TMEM181: variants seen among roughly 807,000 people sequenced by gnomAD.
TMEM181 encodes G protein-coupled receptor 178.
Under a neutral mutation model 71.9 loss-of-function variants are expected in TMEM181, and 39 were observed. That is an observed-to-expected ratio of 0.54 (90% CI 0.42 to 0.71). TMEM181 has a LOEUF of 0.71. Ranked by LOEUF, TMEM181 falls within the 30% of genes least tolerant of loss-of-function variation. TMEM181 has a pLI of 0.00. For synonymous variants in TMEM181, 245 were observed against 228.8 expected (o/e 1.07, Z -0.64); for missense variants, 595 against 583.0 (o/e 1.02, Z -0.21).
At chr6:158,549,258 C>T (rs1348867374) in intron 1 of TMEM181, among the ~76,000 whole-genome samples, 2 of 151,968 alleles carry the variant, frequency 1.3e-5, no homozygotes, top group African/African-American at 4.8e-5. Context: ...GCTGGGACTA[C>T]AGGTGCGCCA....
chr6:158,611,405 G>T (rs1190370727), intron 10 of TMEM181: 1 of 538,946 alleles, frequency 1.9e-6, no homozygotes, highest in Non-Finnish European at 3.8e-6. Context: ...CCTCCAGGTA[G>T]ATCATTGTGG....
Position 158,635,075 on chromosome 6 carries a change from T to G in TMEM181, c.*3187T>G, listed in dbSNP as rs1282736047. 6.6e-6 allele frequency: 1 copy of G among 151,618 alleles called. No homozygotes were observed. The highest frequency in any genetic ancestry group is 6.6e-5 in the Admixed American group (1 of 15,210). The allele number at this position is 151,618 out of a possible 1,614,324, so 9.4% of individuals were successfully genotyped here. On this transcript the variant is annotated 3_prime_UTR_variant, in exon 17 of 17. Coordinates refer to ENST00000684151, the MANE Select transcript of TMEM181 (RefSeq NM_001376852.1). ...TCTTTTCCCCTGGCCAAAGGGAAGT[T>G]GTATTAGTCTGTGACATCTTGTGAT...
chr6:158,537,108 C>T (rs946189409), intron 1 of TMEM181, among the ~76,000 whole-genome samples: 8 of 151,994 alleles, frequency 5.3e-5, no homozygotes, highest in African/African-American at 1.9e-4. Context: ...CCCGGCGCCC[C>T]CGGGCGAAGG....
intron 1 of TMEM181, among the ~76,000 whole-genome samples, chr6:158,565,394 C>T (rs539156652): frequency 2.0e-5 from 3 of 152,252 alleles, no homozygotes; most frequent in East Asian, 1.9e-4. Context: ...TACAGCTGGC[C>T]AGGCCTGAGC....
chr6:158,585,660 G>T (rs545027105), intron 5 of TMEM181, among the ~76,000 whole-genome samples: 1 of 152,124 alleles, frequency 6.6e-6, no homozygotes, highest in Non-Finnish European at 1.5e-5. Context: ...GTAAACACAC[G>T]TGTACGCACA....
rs761848760 is a variant in TMEM181, at chr6:158,634,572, GGAT to G, written c.*2688_*2690del. ...CTAGGGAGAGCTTCGTTATCCATGTGGATGATAAGTCTGCTTGATTTATTATTA... is the reference window on the plus strand; with the variant it reads ...CTAGGGAGAGCTTCGTTATCCATGTGGATAAGTCTGCTTGATTTATTATTA... On this transcript the variant is annotated 3_prime_UTR_variant, in exon 17 of 17. Transcript: ENST00000684151. 1 of 152,142 alleles carries G rather than the reference GGAT, an allele frequency of 6.6e-6. No individual in the cohort carries two copies. The highest frequency in any genetic ancestry group is 2.4e-5 in the African/African-American group (1 of 41,420). The allele number at this position is 152,142 out of a possible 1,614,324, so 9.4% of individuals were successfully genotyped here.
intron 1 of TMEM181, among the ~76,000 whole-genome samples, chr6:158,564,527 G>C (rs1782375635): frequency 6.6e-6 from 1 of 152,234 alleles, no homozygotes; most frequent in Non-Finnish European, 1.5e-5. Context: ...GATGTTGTTA[G>C]AATGAAATCC....
chr6:158,587,278 G>A lies in TMEM181; in HGVS notation c.381+1853G>A, dbSNP rs372973561. On this transcript the variant is annotated intron_variant, in intron 5 of 16. Coordinates refer to ENST00000684151, the MANE Select transcript of TMEM181 (RefSeq NM_001376852.1). ...GCACTGTTCCTTCTTGGATGTGCCC[G>A]CCGTGCTGTGCATCTTGAGAATGGC... Among the ~76,000 whole-genome samples, 5 of 152,246 alleles carry A rather than the reference G, an allele frequency of 3.3e-5. No homozygotes were observed. The South Asian group carries it at 8.3e-4, about 25-fold the overall frequency.
chr6:158,625,323 A>G (rs1786212886), intron 12 of TMEM181, 117 bp downstream of exon 12: 1 of 871,920 alleles, frequency 1.1e-6, no homozygotes, highest in Admixed American at 1.9e-5. Flanking sequence ...GGACTGGTCC[A>G]TTCCCACAGG....
At chr6:158,603,819 T>G (rs1472011407) in intron 6 of TMEM181, among the ~76,000 whole-genome samples, 2 of 152,162 alleles carry the variant, frequency 1.3e-5, no homozygotes, top group Non-Finnish European at 2.9e-5. Flanking sequence ...TTTTCCTGCT[T>G]TTTGGTGTGT....
In TMEM181 at chr6:158,560,136, CCGGCTG is replaced by C. The variant is rs536819794; in HGVS notation, c.-81_-76del. The C allele has an allele frequency of 5.1e-6, 5 of 984,308 alleles. No individual in the cohort carries two copies. Among genetic ancestry groups the C allele is most frequent in the Non-Finnish European group, 6.0e-6 (5 of 829,182 alleles). 61.0% of individuals were successfully genotyped at this position (984,308 alleles called of 1,614,324 possible). On this transcript the variant is annotated 5_prime_UTR_variant, in exon 1 of 17. Coordinates refer to ENST00000684151, the MANE Select transcript of TMEM181 (RefSeq NM_001376852.1). The stretch of plus-strand genomic sequence containing the variant: ...CTGCTCAGCCGCTGTCGCTCCGGCT[CCGGCTG>C]CGGCTGCCGCTGCCGAGGCTGCTGC...
Position 158,633,912 on chromosome 6 carries a change from TTC to T in TMEM181, c.*2026_*2027del, listed in dbSNP as rs1185365867. On this transcript the variant is annotated 3_prime_UTR_variant, in exon 17 of 17. Coordinates refer to ENST00000684151, the MANE Select transcript of TMEM181 (RefSeq NM_001376852.1). ...TGATGAAGATGTGCTGATTAACATATTCTGTGATATGGTTTACAACTTTTAAT... is the reference window on the plus strand; with the variant it reads ...TGATGAAGATGTGCTGATTAACATATTGTGATATGGTTTACAACTTTTAAT... The T allele has an allele frequency of 6.6e-6, 1 of 152,224 alleles. No individual in the cohort carries two copies. Among genetic ancestry groups the T allele is most frequent in the Non-Finnish European group, 1.5e-5 (1 of 68,038 alleles). The allele number at this position is 152,224 out of a possible 1,614,324, so 9.4% of individuals were successfully genotyped here.
In TMEM181 at chr6:158,633,556, A is replaced by T. The variant is rs935835253; in HGVS notation, c.*1668A>T. 4.6e-5 allele frequency: 7 copies of T among 152,216 alleles called. No homozygotes were observed. Among genetic ancestry groups the T allele is most frequent in the African/African-American group, 1.7e-4 (7 of 41,454 alleles). 9.4% of individuals were successfully genotyped at this position (152,216 alleles called of 1,614,324 possible). Reference sequence around the variant, plus strand: ...TCATCTATGCATTGACTCTCAGATTACCATGCAGAGCTTCACGTTATCATC... The same window carrying T: ...TCATCTATGCATTGACTCTCAGATTTCCATGCAGAGCTTCACGTTATCATC... On this transcript the variant is annotated 3_prime_UTR_variant, in exon 17 of 17. Coordinates refer to ENST00000684151, the MANE Select transcript of TMEM181 (RefSeq NM_001376852.1).
chr6:158,581,546 G>A (rs374709421), intron 3 of TMEM181, among the ~76,000 whole-genome samples: 3 of 152,086 alleles, frequency 2.0e-5, no homozygotes, highest in East Asian at 1.9e-4. Context: ...GAGGTCAAGA[G>A]ATTGAGACCA....
In TMEM181 at chr6:158,625,092, G is replaced by T. The variant is rs990975537; in HGVS notation, c.955-12G>T. 6.2e-7 allele frequency: 1 copy of T among 1,609,616 alleles called. No homozygotes were observed. The highest frequency in any genetic ancestry group is 8.5e-7 in the Non-Finnish European group (1 of 1,175,904). On this transcript the variant is annotated splice_polypyrimidine_tract_variant and intron_variant, in intron 11 of 16. Transcript: ENST00000684151. The stretch of plus-strand genomic sequence containing the variant: ...CCTGTTCCGACTCAAGTGCTGCCTT[G>T]TGTCCTCCTAGGGAATGAAGGTCTT...
intron 10 of TMEM181, among the ~76,000 whole-genome samples, chr6:158,617,641 T>C (rs1452612222): frequency 6.6e-6 from 1 of 152,238 alleles, no homozygotes; most frequent in African/African-American, 2.4e-5. Flanking sequence ...CTCTACACAC[T>C]TCTTTAAATG....
At chr6:158,547,125 C>G (rs968137984) in intron 1 of TMEM181, among the ~76,000 whole-genome samples, 1 of 152,152 alleles carries the variant, frequency 6.6e-6, no homozygotes, top group African/African-American at 2.4e-5. Context: ...CTACAAAAAA[C>G]ACAGGAATTA....
At chr6:158,555,484 T>C (rs997024875), upstream of TMEM181, among the ~76,000 whole-genome samples, 2 of 152,290 alleles carry the variant, frequency 1.3e-5, no homozygotes, top group Middle Eastern at 3.4e-3. Flanking sequence ...TCAACTCCAG[T>C]AGAAAAGTCA....
At chr6:158,610,645 G>A (rs140293840) in intron 10 of TMEM181, 7 of 306,354 alleles carry the variant, frequency 2.3e-5, no homozygotes, top group Non-Finnish European at 3.7e-5. Context: ...AGTGAAATGA[G>A]TGAGAATTCT....
Sources: allele counts gnomAD v4.1 joint callset (sites outside exome capture counted in the v4.1 genomes callset), GRCh38; gene constraint gnomAD v4.1.1; transcripts MANE v1.5; gene names NCBI Gene and HGNC (gene_info 2026-07-23, HGNC 2026-07-21).